PDE7B: variants seen among roughly 807,000 people sequenced by gnomAD.
PDE7B encodes 3',5'-cyclic-AMP phosphodiesterase 7B.
A neutral mutation model predicts 56.2 loss-of-function variants in PDE7B; 29 were observed. The observed-to-expected ratio is 0.52, with a 90% CI of 0.38 to 0.70. The LOEUF is 0.70. Ranked by LOEUF, PDE7B falls within the 30% of genes least tolerant of loss-of-function variation. The probability of loss-of-function intolerance (pLI) is 0.00; values close to 1 mark genes in which losing one functional copy is unlikely to be tolerated. For missense variants in PDE7B, 490 were observed against 565.0 expected (o/e 0.87, Z 1.35); for synonymous variants, 197 against 196.9 (o/e 1.00, Z 0.00).
intron 5 of PDE7B, among the ~76,000 whole-genome samples, 175 bp downstream of exon 5, chr6:136,149,325 A>C (rs541928340): frequency 1.3e-5 from 2 of 152,228 alleles, no homozygotes; most frequent in Non-Finnish European, 2.9e-5. Flanking sequence ...TCAGATGAAA[A>C]ATAAGGACTG....
chr6:135,978,116 C>T (rs1242977318), intron 2 of PDE7B, among the ~76,000 whole-genome samples: 1 of 152,134 alleles, frequency 6.6e-6, no homozygotes, highest in Admixed American at 6.6e-5. Flanking sequence ...AGCACACTTA[C>T]ACAAACCTGG....
intron 9 of PDE7B, among the ~76,000 whole-genome samples, chr6:136,178,270 C>T (rs1779010840): frequency 1.3e-5 from 2 of 152,084 alleles, no homozygotes; most frequent in Admixed American, 1.3e-4. Flanking sequence ...TCTATTTATT[C>T]ATTAAATTAT....
chr6:136,149,525 G>T (rs975575105), intron 5 of PDE7B, among the ~76,000 whole-genome samples: 6 of 152,204 alleles, frequency 3.9e-5, no homozygotes, highest in African/African-American at 1.4e-4. Flanking sequence ...ACAGGGCAGG[G>T]TGCTTATGCA....
intron 2 of PDE7B, among the ~76,000 whole-genome samples, chr6:136,078,631 AG>A (rs1777158480): frequency 6.6e-6 from 1 of 152,150 alleles, no homozygotes; most frequent in Non-Finnish European, 1.5e-5. Context: ...AGAGGAAAAA[AG>A]CTCTTTGGAT....
intron 1 of PDE7B, among the ~76,000 whole-genome samples, chr6:135,864,723 A>G (rs2128185275): frequency 6.6e-6 from 1 of 152,150 alleles, no homozygotes; most frequent in East Asian, 1.9e-4. Flanking sequence ...TTGTTTAACA[A>G]TTTTGGAAAA....
chr6:136,123,587 G>T (rs1251172716), intron 3 of PDE7B, among the ~76,000 whole-genome samples: 1 of 152,120 alleles, frequency 6.6e-6, no homozygotes, highest in Non-Finnish European at 1.5e-5. Context: ...CTCTTCGCTG[G>T]GAATTGCCAA....
At chr6:136,095,363 A>G (rs1422733135) in intron 2 of PDE7B, among the ~76,000 whole-genome samples, 1 of 152,192 alleles carries the variant, frequency 6.6e-6, no homozygotes, top group Non-Finnish European at 1.5e-5. Context: ...GGTAATATCA[A>G]TAAGAATACT....
chr6:136,017,677 G>A (rs904077844), intron 2 of PDE7B, among the ~76,000 whole-genome samples: 2 of 152,012 alleles, frequency 1.3e-5, no homozygotes. Flanking sequence ...TGGATTTGTT[G>A]GTCTTTTTTC....
intron 2 of PDE7B, among the ~76,000 whole-genome samples, chr6:136,079,257 A>G (rs1043318510): frequency 2.6e-5 from 4 of 152,174 alleles, no homozygotes; most frequent in African/African-American, 9.7e-5. Flanking sequence ...ACTTCCATCA[A>G]GCATGGCAGT....
At chr6:136,047,384 A>C (rs1161730422) in intron 2 of PDE7B, 2 of 152,216 alleles carry the variant, frequency 1.3e-5, no homozygotes, top group Non-Finnish European at 2.9e-5. Flanking sequence ...CTAATCATAC[A>C]ATGTATTGTA....
chr6:136,032,910 G>A (rs192604022), intron 2 of PDE7B, among the ~76,000 whole-genome samples: 3 of 152,216 alleles, frequency 2.0e-5, no homozygotes, highest in African/African-American at 7.2e-5. Context: ...TTGGGGCAAA[G>A]CTCAGTGGTG....
chr6:135,991,857 C>T (rs768059514), intron 2 of PDE7B: 1 of 152,122 alleles, frequency 6.6e-6, no homozygotes, highest in East Asian at 1.9e-4. Flanking sequence ...GCATGTTGAT[C>T]GAGGAGACAT....
In PDE7B at chr6:136,139,720, G is replaced by C. The variant is rs562557538; in HGVS notation, c.167-7631G>C. Among the ~76,000 whole-genome samples, 275 of 152,304 alleles carry C rather than the reference G, an allele frequency of 1.8e-3. 1 individual carries two copies. The highest frequency in any genetic ancestry group is 3.2e-3 in the Non-Finnish European group (215 of 68,022). On this transcript the variant is annotated intron_variant, in intron 3 of 12. Transcript: ENST00000308191. The stretch of plus-strand genomic sequence containing the variant: ...TTGATTTGCATTTCTCTGATGGCCA[G>C]TGATGACGAGCATTTTTTCACGTGT...
At chr6:136,156,110 C>T in intron 8 of PDE7B, 1 of 374,358 alleles carries the variant, frequency 2.7e-6, no homozygotes, top group South Asian at 2.1e-5. Context: ...TAAATTTATT[C>T]TCTAATTCTC....
chr6:136,009,678 G>C (rs1775854190), intron 2 of PDE7B, among the ~76,000 whole-genome samples: 1 of 152,140 alleles, frequency 6.6e-6, no homozygotes, highest in Non-Finnish European at 1.5e-5. Flanking sequence ...TTTGCACATT[G>C]ATTTTGTATC....
At chr6:135,943,273 T>C (rs1223226903) in intron 1 of PDE7B, among the ~76,000 whole-genome samples, 1 of 152,170 alleles carries the variant, frequency 6.6e-6, no homozygotes, top group Non-Finnish European at 1.5e-5. Context: ...ATTACCCTGT[T>C]TTACAGATAA....
At chr6:136,115,447 T>A (rs959226520) in intron 3 of PDE7B, among the ~76,000 whole-genome samples, 4 of 152,112 alleles carry the variant, frequency 2.6e-5, no homozygotes, top group African/African-American at 9.7e-5. Context: ...TGTCAACAAG[T>A]TTGCTCAACT....
At chr6:136,177,321 TTAAAA>T (rs945493960) in intron 9 of PDE7B, among the ~76,000 whole-genome samples, 8 of 151,800 alleles carry the variant, frequency 5.3e-5, no homozygotes, top group African/African-American at 1.9e-4. Context: ...AAAAATAAAA[TTAAAA>T]TGATAAAAAT....
intron 1 of PDE7B, among the ~76,000 whole-genome samples, chr6:135,856,034 G>A (rs758784422): frequency 3.9e-5 from 6 of 152,136 alleles, no homozygotes; most frequent in Non-Finnish European, 5.9e-5. Context: ...TGAATCATTA[G>A]CATGTGTTTA....
Sources: gnomAD v4.1 joint callset for allele counts (sites outside exome capture counted in the v4.1 genomes callset) on GRCh38, gnomAD v4.1.1 for gene constraint, MANE v1.5 for transcripts, NCBI Gene and HGNC (gene_info 2026-07-23, HGNC 2026-07-21) for gene names.